Variants in PPFIA2 observed in about 807,000 individuals in gnomAD.
PPFIA2 encodes the protein liprin-alpha-2.
Under a neutral mutation model 175.5 loss-of-function variants are expected in PPFIA2, and 46 were observed. That is an observed-to-expected ratio of 0.26 (90% CI 0.21 to 0.34). PPFIA2 has a LOEUF of 0.34. PPFIA2 is among the 10% of genes least tolerant of loss of function. The pLI, the probability that PPFIA2 is intolerant of heterozygous loss-of-function variation, is 1.00. For missense variants in PPFIA2, 1,179 were observed against 1,506.1 expected, an observed-to-expected ratio of 0.78 and a Z score of 3.60; for synonymous variants, 568 against 511.4, an observed-to-expected ratio of 1.11 and a Z score of -1.49.
At chr12:81,628,839 G>T (rs1005115749) in intron 4 of PPFIA2, among the ~76,000 whole-genome samples, 1 of 152,106 alleles carries the variant, frequency 6.6e-6, no homozygotes, top group African/African-American at 2.4e-5. Flanking sequence ...GCTGTTTCCT[G>T]GTCACATTTG....
At position 81,263,775 on chromosome 12, in the gene PPFIA2, C is replaced by T. The variant is rs548810167; in HGVS notation, c.3556-385G>A. Among the ~76,000 whole-genome samples the T allele has an allele frequency of 6.6e-5, 10 of 152,262 alleles. No homozygotes were observed. In the South Asian group the frequency reaches 2.1e-3, roughly 32 times the overall value. On this transcript the variant is annotated intron_variant, in intron 30 of 32. Transcript: ENST00000549396. ...ATTGAATCAGTTGTTGAGTAGACTA[C>T]ATTTAACTCACACACTTGAATGAAA... is the stretch of plus-strand genomic sequence containing the variant.
At chr12:81,666,640 T>C (rs11114973) in intron 4 of PPFIA2, among the ~76,000 whole-genome samples, 17,515 of 152,004 alleles carry the variant, frequency 0.12, 1,232 homozygotes, top group Middle Eastern at 0.18. Context: ...AGGGATAGCA[T>C]TTGGAGATAT....
At chr12:81,666,075 C>G (rs1247074960) in intron 4 of PPFIA2, among the ~76,000 whole-genome samples, 1 of 152,088 alleles carries the variant, frequency 6.6e-6, no homozygotes, top group Non-Finnish European at 1.5e-5. Flanking sequence ...CATCTCACAC[C>G]AGTTAGAATG....
chr12:81,637,850 GCA>G (rs2064316429), intron 4 of PPFIA2, among the ~76,000 whole-genome samples: 1 of 151,976 alleles, frequency 6.6e-6, no homozygotes, highest in South Asian at 2.1e-4. Context: ...CCACAAAAAA[GCA>G]CAGTTTCAAA....
chr12:81,701,467 G>T (rs1291325042), intron 3 of PPFIA2, among the ~76,000 whole-genome samples: 1 of 152,132 alleles, frequency 6.6e-6, no homozygotes, highest in Non-Finnish European at 1.5e-5. Flanking sequence ...AAGAATTTAT[G>T]GGGTTAGAGG....
chr12:81,264,345 A>G (rs1414704842), intron 30 of PPFIA2, among the ~76,000 whole-genome samples: 1 of 152,176 alleles, frequency 6.6e-6, no homozygotes, highest in African/African-American at 2.4e-5. Context: ...TTTTCCTCCA[A>G]ATTGGCAAGT....
At chr12:81,748,897 CATA>C (rs2083391953) in intron 3 of PPFIA2, among the ~76,000 whole-genome samples, 2 of 144,838 alleles carry the variant, frequency 1.4e-5, no homozygotes, top group South Asian at 2.3e-4. Flanking sequence ...TTGCACCACA[CATA>C]ATAACAGCCT....
intron 22 of PPFIA2, among the ~76,000 whole-genome samples, chr12:81,324,543 T>G (rs2139745468): frequency 6.6e-6 from 1 of 152,128 alleles, no homozygotes; most frequent in East Asian, 1.9e-4. Context: ...CTGCGAACAT[T>G]TAAAAATCTT....
At chr12:81,364,543 C>T (rs1312380366) in intron 14 of PPFIA2, among the ~76,000 whole-genome samples, 2 of 151,708 alleles carry the variant, frequency 1.3e-5, no homozygotes, top group Admixed American at 6.6e-5. Flanking sequence ...TGCACCACTG[C>T]ACCTGGCTAA....
chr12:81,495,820 C>T (rs574112009), intron 4 of PPFIA2, among the ~76,000 whole-genome samples: 1 of 152,044 alleles, frequency 6.6e-6, no homozygotes, highest in South Asian at 2.1e-4. Flanking sequence ...GTTTCCAAAA[C>T]AAAACAAAAC....
Position 81,368,752 on chromosome 12 carries a change from C to T in PPFIA2, c.1455G>A (p.Lys485=). The change falls in exon 13 of 33, where the codon AAG becomes AAA. Residue 485 remains lysine (K), a synonymous_variant. Transcript: ENST00000549396. ...TTTCTTCTAGAGCAGCCATTCTTTC[C>T]TTTAAGTGTAGTTGTAGGCGTTCAT... The part of the protein sequence containing the change: ...ESNERLQLHL[K]ERMAALEEKN... The T allele has an allele frequency of 2.5e-6, 4 of 1,609,318 alleles. No individual in the cohort carries two copies. Among genetic ancestry groups the T allele is most frequent in the South Asian group, 1.1e-5 (1 of 90,478 alleles).
rs183623849 is a variant in PPFIA2 at position 81,585,268 on chromosome 12, C to T, written c.303+91523G>A. Among the ~76,000 whole-genome samples the T allele has an allele frequency of 2.5e-4, 37 of 150,064 alleles. No homozygotes were observed. The East Asian group carries it at 5.3e-3, about 21-fold the overall frequency. On this transcript the variant is annotated intron_variant, in intron 4 of 32. Coordinates refer to ENST00000549396, the MANE Select transcript of PPFIA2 (RefSeq NM_003625.5). ...TGTACACTACTGCAGGCATAGTAAA[C>T]GATGTACACTTGGGCTACACTAAAT...
intron 3 of PPFIA2, among the ~76,000 whole-genome samples, chr12:81,751,695 A>G (rs2083832077): frequency 6.6e-6 from 1 of 152,152 alleles, no homozygotes; most frequent in South Asian, 2.1e-4. Context: ...TGGGCAGTAT[A>G]TTTAAAAATT....
At chr12:81,706,898 T>G (rs573538917) in intron 3 of PPFIA2, among the ~76,000 whole-genome samples, 1 of 151,916 alleles carries the variant, frequency 6.6e-6, no homozygotes, top group African/African-American at 2.4e-5. Context: ...TTTGACAAAC[T>G]TGAGAAAAAC....
At chr12:81,691,756 G>A (rs981539472) in intron 3 of PPFIA2, among the ~76,000 whole-genome samples, 1 of 152,074 alleles carries the variant, frequency 6.6e-6, no homozygotes, top group African/African-American at 2.4e-5. Context: ...ATTAGCTGTG[G>A]AAAGGAGATA....
chr12:81,611,444 G>C (rs915857221), intron 4 of PPFIA2, among the ~76,000 whole-genome samples: 4 of 152,162 alleles, frequency 2.6e-5, no homozygotes, highest in Non-Finnish European at 5.9e-5. Context: ...CAGGACATCC[G>C]TGGTTCATGG....
intron 2 of PPFIA2, among the ~76,000 whole-genome samples, chr12:81,755,723 T>A (rs988836512): frequency 6.6e-6 from 1 of 152,128 alleles, no homozygotes; most frequent in Admixed American, 6.5e-5. Flanking sequence ...CATTGAACAT[T>A]AGGAAAGTTT....
intron 4 of PPFIA2, among the ~76,000 whole-genome samples, chr12:81,462,254 C>CATATATATATATATAT (rs71871906): frequency 7.5e-6 from 1 of 132,856 alleles, no homozygotes; most frequent in Non-Finnish European, 1.6e-5. Flanking sequence ...GCTTTTCTAA[C>CATATATATATATATAT]ATATATATAT....
At chr12:81,358,342 A>G (rs1034441988) in intron 15 of PPFIA2, 125 bp from the exon 16 acceptor site, 1 of 947,446 alleles carries the variant, frequency 1.1e-6, no homozygotes, top group African/African-American at 1.7e-5. Flanking sequence ...AAGAAAGATA[A>G]CCGATAAATT....
Sources: allele counts gnomAD v4.1 joint callset (sites outside exome capture counted in the v4.1 genomes callset), GRCh38; gene constraint gnomAD v4.1.1; transcripts MANE v1.5; gene names NCBI Gene and HGNC (gene_info 2026-07-23, HGNC 2026-07-21).